MAN2A2: variants seen among roughly 807,000 people sequenced by gnomAD.
MAN2A2 encodes mannosidase alpha class 2A member 2.
In MAN2A2, 79 loss-of-function variants were observed where a neutral mutation model predicts 126.8. That is an observed-to-expected ratio of 0.62 (90% confidence interval 0.52 to 0.75). The LOEUF (loss-of-function observed/expected upper bound fraction) is 0.75. MAN2A2 is among the 30% of genes least tolerant of loss of function. The probability of loss-of-function intolerance (pLI) is 0.00; values close to 1 mark genes in which losing one functional copy is unlikely to be tolerated. For synonymous variants in MAN2A2, 671 were observed against 618.7 expected, an observed-to-expected ratio of 1.08 and a Z score of -1.25; for missense variants, 1,392 against 1,522.4, an observed-to-expected ratio of 0.91 and a Z score of 1.43.
At chr15:90,916,474 C>A in intron 20 of MAN2A2, 1 of 1,159,276 alleles carries the variant, frequency 8.6e-7, no homozygotes. Context: ...CACCTGTGCC[C>A]CTCATGTTCG....
In MAN2A2 at chr15:90,910,310, C is replaced by T; in HGVS notation, c.1577+18C>T. 6.2e-7 allele frequency: 1 copy of T among 1,613,180 alleles called. No homozygotes were observed. Among genetic ancestry groups the T allele is most frequent in the Non-Finnish European group, 8.5e-7 (1 of 1,179,386 alleles). ...CACCTGCGGTGAGACCCTGTCCCCGCTTCCAGGCTGGAGGGGGAGAGTCAG... is the reference window on the plus strand; with the variant it reads ...CACCTGCGGTGAGACCCTGTCCCCGTTTCCAGGCTGGAGGGGGAGAGTCAG... On this transcript the variant is annotated intron_variant, in intron 10 of 22. Transcript: ENST00000559717.
intron 19 of MAN2A2, among the ~76,000 whole-genome samples, chr15:90,914,920 C>T (rs1329200537): frequency 6.6e-6 from 1 of 152,234 alleles, no homozygotes; most frequent in Non-Finnish European, 1.5e-5. Context: ...CCCCCATATC[C>T]TCAGGGCAAA....
In MAN2A2 at chr15:90,910,640, A is replaced by G; in HGVS notation, c.1717A>G (p.Thr573Ala). ...LGLFQHHDAITGTAKEAVVVD... is the reference protein window; with the variant it reads ...LGLFQHHDAIAGTAKEAVVVD... ...GCTCTTCCAGCATCACGATGCCATC[A>G]CTGGCACGGCCAAGGAGGCTGTGGT... Residue 573 changes from threonine (T) to alanine (A), a missense_variant, in exon 11 of 23, where the codon ACT (threonine) becomes GCT (alanine). Coordinates refer to ENST00000559717, the MANE Select transcript of MAN2A2 (RefSeq NM_006122.4). The G allele has an allele frequency of 6.2e-7, 1 of 1,614,002 alleles. No individual in the cohort carries two copies. The highest frequency in any genetic ancestry group is 8.5e-7 in the Non-Finnish European group (1 of 1,179,976).
Position 90,905,998 on chromosome 15 carries a change from A to G in MAN2A2, c.689A>G (p.Lys230Arg). The G allele has an allele frequency of 6.2e-7, 1 of 1,613,906 alleles. No homozygotes were observed. Among genetic ancestry groups the G allele is most frequent in the East Asian group, 2.2e-5 (1 of 44,872 alleles). ...AKWWDNINVQKRAAVRRLVGN... is the reference protein window; with the variant it reads ...AKWWDNINVQRRAAVRRLVGN... ...TGGTGGGACAACATCAATGTCCAAA[A>G]GAGAGCGGCAGTCCGAAGGCCAGTA... Residue 230 changes from lysine (K) to arginine (R), a missense_variant, in exon 5 of 23, where the codon AAG becomes AGG. By Grantham distance (26) the Lys-to-Arg change is conservative. Transcript: ENST00000559717.
At chr15:90,913,970 G>C (rs554222591) in intron 19 of MAN2A2, among the ~76,000 whole-genome samples, 1 of 152,312 alleles carries the variant, frequency 6.6e-6, no homozygotes, top group East Asian at 1.9e-4. Context: ...TAGGCAACTG[G>C]GTGGAGTGTC....
rs7163962 is a variant in MAN2A2 at position 90,914,372 on chromosome 15, A to C, written c.2860+617A>C. Among the ~76,000 whole-genome samples, 1,417 of 152,340 alleles carry C rather than the reference A, an allele frequency of 9.3e-3. 25 individuals carry two copies. Among genetic ancestry groups the C allele is most frequent in the African/African-American group, 0.033 (1,352 of 41,574 alleles). ...ATCAGGGTATTGAACAGTGGTTCTCAGCTGAGGTGTGCAACCCTCTTCTGG... is the reference window on the plus strand; with the variant it reads ...ATCAGGGTATTGAACAGTGGTTCTCCGCTGAGGTGTGCAACCCTCTTCTGG... On this transcript the variant is annotated intron_variant, in intron 19 of 22. Transcript: ENST00000559717.
intron 14 of MAN2A2, 128 bp downstream of exon 14, chr15:90,911,678 TG>T (rs1297695281): frequency 2.8e-6 from 3 of 1,089,872 alleles, no homozygotes; most frequent in Non-Finnish European, 2.6e-6. Flanking sequence ...ACAAGTGTCC[TG>T]GGGAGGGGGT....
At chr15:90,907,096 G>A (rs777841811) in intron 7 of MAN2A2, 183 bp downstream of exon 7, 17 of 881,288 alleles carry the variant, frequency 1.9e-5, no homozygotes, top group Non-Finnish European at 2.9e-5. Context: ...CCTCTACAGG[G>A]CCTGCTGTCC....
chr15:90,905,922 G>C lies in MAN2A2; in HGVS notation c.613G>C (p.Glu205Gln). The change falls in exon 5 of 23, where the codon GAG becomes CAG. Residue 205 changes from glutamate (E) to glutamine (Q), a missense_variant. Coordinates refer to ENST00000559717, the MANE Select transcript of MAN2A2 (RefSeq NM_006122.4). ...ILNSMVSKLQ[E>Q]DPRRRFLWAE... ...CAATAGCATGGTGTCTAAGCTGCAG[G>C]AGGACCCCCGGCGGCGCTTCCTCTG... is the stretch of plus-strand genomic sequence containing the variant. The C allele has an allele frequency of 6.2e-7, 1 of 1,611,864 alleles. No individual in the cohort carries two copies. Among genetic ancestry groups the C allele is most frequent in the Non-Finnish European group, 8.5e-7 (1 of 1,179,084 alleles).
intron 17 of MAN2A2, 58 bp downstream of exon 17, chr15:90,913,049 G>A (rs923362721): frequency 2.0e-5 from 28 of 1,400,650 alleles, no homozygotes; most frequent in Middle Eastern, 1.8e-4. Flanking sequence ...CAACTGTGGC[G>A]TATTCTTCCT....
At chr15:90,918,846 A>T (rs1461622455) in intron 22 of MAN2A2, 91 bp downstream of exon 22, 7 of 949,654 alleles carry the variant, frequency 7.4e-6, no homozygotes, top group Non-Finnish European at 1.1e-5. Flanking sequence ...TGGGAGAAGA[A>T]AGTGTCACTC....
At chr15:90,916,388 GGT>G in intron 20 of MAN2A2, 132 bp downstream of exon 20, 2 of 1,279,798 alleles carry the variant, frequency 1.6e-6, no homozygotes, top group Non-Finnish European at 2.2e-6. Context: ...GAATTCCTGG[GGT>G]GGGGGGAGGC....
At chr15:90,904,797 G>A (rs746688268) in intron 2 of MAN2A2, among the ~76,000 whole-genome samples, 1 of 152,196 alleles carries the variant, frequency 6.6e-6, no homozygotes, top group African/African-American at 2.4e-5. Flanking sequence ...GTATCGCCAT[G>A]TTGGCCAGGC....
At chr15:90,910,739 G>A in intron 11 of MAN2A2, 56 bp downstream of exon 11, 2 of 1,606,498 alleles carry the variant, frequency 1.2e-6, no homozygotes, top group South Asian at 2.2e-5. Flanking sequence ...CCAAAGAAAG[G>A]ACATTGGGTG....
At chr15:90,911,683 A>T (rs1364279182) in intron 14 of MAN2A2, 133 bp downstream of exon 14, 1 of 1,040,242 alleles carries the variant, frequency 9.6e-7, no homozygotes, top group African/African-American at 1.6e-5. Flanking sequence ...TGTCCTGGGG[A>T]GGGGGTTGTC....
rs769523818 is a variant in MAN2A2 at position 90,913,747 on chromosome 15, T to A, written c.2852T>A (p.Leu951His). 2 of 1,593,540 alleles carry A rather than the reference T, an allele frequency of 1.3e-6. No individual in the cohort carries two copies. Among genetic ancestry groups the A allele is most frequent in the Admixed American group, 3.5e-5 (2 of 57,300 alleles). Reference protein sequence around the residue: ...HTAQALGVSSLKDGQLEVILD... With the variant: ...HTAQALGVSSHKDGQLEVILD... ...GCCCAGGCCCTGGGTGTCTCTAGCC[T>A]CAAAGATGGTGAGTAGGGCCCAGGA... is the stretch of plus-strand genomic sequence containing the variant. Residue 951 changes from leucine to histidine, a missense_variant, in exon 19 of 23, where the codon CTC becomes CAC. Transcript: ENST00000559717.
At chr15:90,906,095 G>A (rs1434971645) in intron 5 of MAN2A2, 79 bp downstream of exon 5, 8 of 1,574,726 alleles carry the variant, frequency 5.1e-6, no homozygotes, top group South Asian at 1.1e-5. Context: ...TTAAGCTATG[G>A]GTGCCAAGGT....
At chr15:90,909,590 G>A (rs141861996) in intron 9 of MAN2A2, 86 bp downstream of exon 9, 60 of 1,380,378 alleles carry the variant, frequency 4.3e-5, no homozygotes, top group Admixed American at 9.6e-5. Context: ...TTCCCAACTC[G>A]GGCAGGGTGC....
chr15:90,906,995 A>T, intron 7 of MAN2A2, 82 bp downstream of exon 7: 1 of 1,523,906 alleles, frequency 6.6e-7, no homozygotes, highest in Non-Finnish European at 9.0e-7. Flanking sequence ...TAAGACCCCC[A>T]CTGTTCTTCA....
Sources: gnomAD v4.1 joint callset for allele counts (sites outside exome capture counted in the v4.1 genomes callset) on GRCh38, gnomAD v4.1.1 for gene constraint, MANE v1.5 for transcripts, NCBI Gene and HGNC (gene_info 2026-07-23, HGNC 2026-07-21) for gene names.